The following ZYG11B variants were observed in gnomAD, a reference collection of about 807,000 sequenced individuals.
ZYG11B encodes protein zyg-11 homolog B.
In ZYG11B, 36 loss-of-function variants were observed where a neutral mutation model predicts 82.4. That is an observed-to-expected ratio of 0.44 (90% CI 0.33 to 0.58). ZYG11B has a LOEUF of 0.58. ZYG11B is among the 20% of genes least tolerant of loss of function. The pLI, the probability that ZYG11B is intolerant of heterozygous loss-of-function variation, is 0.02. For synonymous variants in ZYG11B, 303 were observed against 312.8 expected, an observed-to-expected ratio of 0.97 and a Z score of 0.33; for missense variants, 552 against 895.6, an observed-to-expected ratio of 0.62 and a Z score of 4.90.
intron 13 of ZYG11B, among the ~76,000 whole-genome samples, chr1:52,821,117 A>G (rs1571806337): frequency 6.6e-6 from 1 of 151,858 alleles, no homozygotes; most frequent in Non-Finnish European, 1.5e-5. Flanking sequence ...TAGGAAATGC[A>G]TAAAAATATA....
intron 1 of ZYG11B, among the ~76,000 whole-genome samples, chr1:52,742,523 A>G (rs1644438629): frequency 1.3e-5 from 2 of 152,000 alleles, no homozygotes; most frequent in South Asian, 2.1e-4. Context: ...CAGCTGTACA[A>G]TGTGTTTATG....
intron 5 of ZYG11B, among the ~76,000 whole-genome samples, chr1:52,786,682 A>G (rs1415411576): frequency 6.6e-6 from 1 of 152,144 alleles, no homozygotes; most frequent in East Asian, 1.9e-4. Context: ...ATTTAAATCC[A>G]TATGTTGAGG....
In ZYG11B at chr1:52,827,000, CA is replaced by C. The variant is rs1645330745; in HGVS notation, c.*5373del. On this transcript the variant is annotated 3_prime_UTR_variant, in exon 14 of 14. Transcript: ENST00000294353. ...CTTTATACTCTCAGATAATCTGCAA[CA>C]ACAAAAATTAAGAAATCCCTGACTT... 1 of 152,172 alleles carries C rather than the reference CA, an allele frequency of 6.6e-6. No individual in the cohort carries two copies. The highest frequency in any genetic ancestry group is 2.4e-5 in the African/African-American group (1 of 41,446). 9.4% of individuals were successfully genotyped at this position (152,172 alleles called of 1,614,324 possible).
At position 52,813,924 on chromosome 1, in the gene ZYG11B, C is replaced by G. The variant is rs542162924; in HGVS notation, c.1946+12C>G. The G allele has an allele frequency of 1.9e-6, 3 of 1,612,456 alleles. No individual in the cohort carries two copies. Among genetic ancestry groups the G allele is most frequent in the Admixed American group, 3.3e-5 (2 of 59,968 alleles). ...ATGGTAGCATACAGGTAATTAGTAT[C>G]ATAATTAACAGTAAACCAGCAACCT... On this transcript the variant is annotated intron_variant, in intron 12 of 13. Coordinates refer to ENST00000294353, the MANE Select transcript of ZYG11B (RefSeq NM_024646.3).
intron 6 of ZYG11B, among the ~76,000 whole-genome samples, chr1:52,790,439 A>G (rs1644946429): frequency 6.6e-6 from 1 of 152,132 alleles, no homozygotes; most frequent in Non-Finnish European, 1.5e-5. Context: ...GATTAGTAAG[A>G]TGCAGGTTTG....
At chr1:52,796,194 T>G (rs1645005021) in intron 6 of ZYG11B, 98 bp from the exon 7 acceptor site, 1 of 824,804 alleles carries the variant, frequency 1.2e-6, no homozygotes, top group African/African-American at 1.7e-5. Context: ...CCCTTGCCTT[T>G]TCATATATTT....
At chr1:52,756,199 GCTTA>G (rs1478877229) in intron 1 of ZYG11B, among the ~76,000 whole-genome samples, 1 of 152,166 alleles carries the variant, frequency 6.6e-6, no homozygotes, top group Non-Finnish European at 1.5e-5. Flanking sequence ...CCTGCTGTGT[GCTTA>G]CTTAATACCC....
chr1:52,812,667 A>G (rs1488721587), intron 10 of ZYG11B, among the ~76,000 whole-genome samples: 1 of 151,524 alleles, frequency 6.6e-6, no homozygotes, highest in East Asian at 1.9e-4. Flanking sequence ...AGCCTCCCAA[A>G]GTGATGGGAT....
At chr1:52,776,080 G>A (rs112134068) in intron 3 of ZYG11B, among the ~76,000 whole-genome samples, 72 of 147,630 alleles carry the variant, frequency 4.9e-4, no homozygotes, top group Admixed American at 3.9e-3. Flanking sequence ...TTAGCCGGGC[G>A]TGGTGGCGCA....
At chr1:52,814,463 A>G (rs1645207718) in intron 12 of ZYG11B, among the ~76,000 whole-genome samples, 2 of 152,252 alleles carry the variant, frequency 1.3e-5, no homozygotes, top group Admixed American at 6.5e-5. Flanking sequence ...ATGAACAAAG[A>G]CATGGTGTCT....
At chr1:52,795,196 T>C (rs1644997449) in intron 6 of ZYG11B, among the ~76,000 whole-genome samples, 1 of 152,086 alleles carries the variant, frequency 6.6e-6, no homozygotes, top group Admixed American at 6.6e-5. Flanking sequence ...GAGTGCTGTC[T>C]TGTGATAGAG....
At chr1:52,742,405 T>G (rs979671468) in intron 1 of ZYG11B, among the ~76,000 whole-genome samples, 2 of 152,024 alleles carry the variant, frequency 1.3e-5, no homozygotes, top group Admixed American at 6.6e-5. Context: ...TGAGTTGTGA[T>G]TATGCTATTG....
intron 2 of ZYG11B, among the ~76,000 whole-genome samples, chr1:52,766,475 T>A (rs951973249): frequency 2.0e-5 from 3 of 152,146 alleles, no homozygotes; most frequent in Non-Finnish European, 4.4e-5. Flanking sequence ...TCCTTTAAAA[T>A]CGTTGTCAAA....
At chr1:52,781,624 G>A (rs915884667) in intron 4 of ZYG11B, among the ~76,000 whole-genome samples, 3 of 152,120 alleles carry the variant, frequency 2.0e-5, no homozygotes, top group Non-Finnish European at 4.4e-5. Context: ...TAATTCTTAC[G>A]CACGTTCAAT....
intron 1 of ZYG11B, among the ~76,000 whole-genome samples, chr1:52,727,011 A>G (rs1002154517): frequency 6.0e-5 from 9 of 149,004 alleles, no homozygotes; most frequent in Admixed American, 5.3e-4. Flanking sequence ...TTTCTCCTCT[A>G]TCATTTTGCC....
At chr1:52,734,692 C>T (rs904153275) in intron 1 of ZYG11B, among the ~76,000 whole-genome samples, 3 of 151,456 alleles carry the variant, frequency 2.0e-5, no homozygotes, top group African/African-American at 7.3e-5. Context: ...GTTCAAGAAC[C>T]ACAAAATTGT....
intron 10 of ZYG11B, among the ~76,000 whole-genome samples, chr1:52,805,777 C>T (rs1466233571): frequency 1.3e-5 from 2 of 152,000 alleles, no homozygotes; most frequent in Admixed American, 1.3e-4. Context: ...TGCAGTGAAC[C>T]AAGATCACGC....
At chr1:52,815,473 A>G (rs1233449929) in intron 12 of ZYG11B, among the ~76,000 whole-genome samples, 1 of 152,108 alleles carries the variant, frequency 6.6e-6, no homozygotes, top group East Asian at 1.9e-4. Context: ...ATAAAAAATT[A>G]GCCAGTTGTG....
chr1:52,799,324 A>G (rs997654434), intron 8 of ZYG11B, among the ~76,000 whole-genome samples: 1 of 151,766 alleles, frequency 6.6e-6, no homozygotes, highest in Non-Finnish European at 1.5e-5. Context: ...CGTCTCTACT[A>G]AAAATACAAA....
Sources: allele counts gnomAD v4.1 joint callset (sites outside exome capture counted in the v4.1 genomes callset), GRCh38; gene constraint gnomAD v4.1.1; transcripts MANE v1.5; gene names NCBI Gene and HGNC (gene_info 2026-07-23, HGNC 2026-07-21).